DSE: variants seen among roughly 807,000 people sequenced by gnomAD.
DSE encodes the protein dermatan-sulfate epimerase.
Under a neutral mutation model 84.4 loss-of-function variants are expected in DSE, and 36 were observed. That is an observed-to-expected ratio of 0.43 (90% CI 0.33 to 0.56). The LOEUF is 0.56. Among genes scored for constraint, DSE ranks in the 20% least tolerant of loss-of-function variants. The pLI is 0.06. For synonymous variants in DSE, 410 were observed against 430.1 expected (o/e 0.95, Z 0.58); for missense variants, 862 against 1,169.6 (o/e 0.74, Z 3.84).
intron 2 of DSE, among the ~76,000 whole-genome samples, chr6:116,416,022 T>C (rs1165446111): frequency 6.6e-6 from 1 of 152,164 alleles, no homozygotes; most frequent in Non-Finnish European, 1.5e-5. Flanking sequence ...CAGAATACTT[T>C]TCTTTGCCTT....
rs986925400 is a variant in DSE at position 116,440,790 on chromosome 6, GA to G, written c.*3446del. 2 of 152,160 alleles carry G rather than the reference GA, an allele frequency of 1.3e-5. No individual in the cohort carries two copies. The highest frequency in any genetic ancestry group is 2.9e-5 in the Non-Finnish European group (2 of 68,024). 9.4% of individuals were successfully genotyped at this position (152,160 alleles called of 1,614,324 possible). ...GTCATAGCTTAATTCAGGAAAAAAG[GA>G]GTTAGGGAAGTCTGAAGGTCTAACT... is the stretch of plus-strand genomic sequence containing the variant. On this transcript the variant is annotated 3_prime_UTR_variant, in exon 6 of 6. Transcript: ENST00000644252.
chr6:116,390,673 C>T (rs1431776239), intron 1 of DSE, among the ~76,000 whole-genome samples: 3 of 152,034 alleles, frequency 2.0e-5, no homozygotes, highest in Admixed American at 2.0e-4. Context: ...AAATACTAAT[C>T]AGAAGATCTT....
chr6:116,431,466 A>G (rs532368024), intron 4 of DSE, among the ~76,000 whole-genome samples: 1 of 151,996 alleles, frequency 6.6e-6, no homozygotes, highest in East Asian at 1.9e-4. Flanking sequence ...CTTTTTTTTT[A>G]TATATCCAAA....
At chr6:116,262,355 T>C (rs1466423234) in intron 2 of DSE, among the ~76,000 whole-genome samples, 4 of 152,194 alleles carry the variant, frequency 2.6e-5, no homozygotes, top group Non-Finnish European at 5.9e-5. Flanking sequence ...GGAGGTTGTA[T>C]GTATCCAGGA....
chr6:116,412,037 A>C (rs953718802), intron 2 of DSE, among the ~76,000 whole-genome samples: 9 of 152,332 alleles, frequency 5.9e-5, no homozygotes, highest in African/African-American at 1.9e-4. Flanking sequence ...ATACCCCACA[A>C]CATTTTTTAT....
intron 2 of DSE, among the ~76,000 whole-genome samples, chr6:116,266,701 G>C (rs1772643596): frequency 6.6e-6 from 1 of 152,036 alleles, no homozygotes; most frequent in Non-Finnish European, 1.5e-5. Context: ...CTAAGAATTA[G>C]AAAGCTTTGT....
intron 1 of DSE, among the ~76,000 whole-genome samples, chr6:116,391,680 G>A (rs1014858594): frequency 2.6e-5 from 4 of 151,384 alleles, no homozygotes; most frequent in Non-Finnish European, 5.9e-5. Flanking sequence ...CAGGAGAATG[G>A]CATGAACCTA....
At chr6:116,415,535 CT>C (rs1291702303) in intron 2 of DSE, among the ~76,000 whole-genome samples, 1 of 139,878 alleles carries the variant, frequency 7.1e-6, no homozygotes, top group Admixed American at 7.1e-5. Flanking sequence ...CCCCTTTTTT[CT>C]TTTTTCTTTC....
chr6:116,353,181 G>T (rs527966172), intron 2 of DSE, among the ~76,000 whole-genome samples: 1 of 152,270 alleles, frequency 6.6e-6, no homozygotes, highest in Admixed American at 6.5e-5. Context: ...GTCTGTGTGT[G>T]TATAAACACT....
chr6:116,309,374 C>A (rs1775534610), intron 2 of DSE, among the ~76,000 whole-genome samples: 1 of 152,022 alleles, frequency 6.6e-6, no homozygotes, highest in Admixed American at 6.6e-5. Context: ...AGGTCAATTG[C>A]CTATTATCTA....
chr6:116,279,613 T>C (rs1257860110), intron 2 of DSE: 7 of 1,602,280 alleles, frequency 4.4e-6, no homozygotes, highest in Non-Finnish European at 5.9e-6. Context: ...GCCCGCGGCA[T>C]CCTGGGGTAC....
chr6:116,367,364 C>G (rs146794569), upstream of DSE: 1 of 152,278 alleles, frequency 6.6e-6, no homozygotes, highest in African/African-American at 2.4e-5. Flanking sequence ...AAACAAAAAG[C>G]ATTTCAAGAA....
intron 2 of DSE, among the ~76,000 whole-genome samples, chr6:116,298,335 A>G (rs926399090): frequency 6.6e-6 from 1 of 152,338 alleles, no homozygotes; most frequent in South Asian, 2.1e-4. Context: ...TGACCTTGAG[A>G]TAGGGATATT....
chr6:116,260,300 T>C (rs1335597050), intron 2 of DSE, among the ~76,000 whole-genome samples: 2 of 152,340 alleles, frequency 1.3e-5, no homozygotes, highest in Middle Eastern at 3.4e-3. Flanking sequence ...GAAAAATATC[T>C]GTCCATGTCC....
At chr6:116,274,712 G>C (rs932468891) in intron 2 of DSE, among the ~76,000 whole-genome samples, 1 of 152,060 alleles carries the variant, frequency 6.6e-6, no homozygotes, top group Admixed American at 6.5e-5. Context: ...AGAAAGTGTT[G>C]CACAGTACAT....
chr6:116,385,447 T>A (rs1451956020), intron 1 of DSE, among the ~76,000 whole-genome samples: 1 of 151,460 alleles, frequency 6.6e-6, no homozygotes, highest in Non-Finnish European at 1.5e-5. Context: ...TAAAAGTGGC[T>A]GGATTCTGGA....
At chr6:116,433,668 C>T in intron 5 of DSE, 118 bp downstream of exon 5, 1 of 1,017,208 alleles carries the variant, frequency 9.8e-7, no homozygotes, top group East Asian at 2.6e-5. Context: ...ATCTTTTCTC[C>T]ATGCCACCTG....
Position 116,438,154 on chromosome 6 carries a change from T to C in DSE, c.*809T>C, listed in dbSNP as rs1784299190. The C allele has an allele frequency of 6.6e-6, 1 of 152,576 alleles. No homozygotes were observed. Among genetic ancestry groups the C allele is most frequent in the Admixed American group, 6.5e-5 (1 of 15,278 alleles). 9.5% of individuals were successfully genotyped at this position (152,576 alleles called of 1,614,324 possible). A position where few individuals can be genotyped will look rare whatever the true frequency, so the allele number is the denominator to read the frequency against. On this transcript the variant is annotated 3_prime_UTR_variant, in exon 6 of 6. Transcript: ENST00000644252. ...AAACCTTTCAAAAGAAAATATTTTC[T>C]ATTATGAATGTTGATTTTCATACCA... is the stretch of plus-strand genomic sequence containing the variant.
intron 2 of DSE, among the ~76,000 whole-genome samples, chr6:116,324,459 C>T (rs1776509638): frequency 6.6e-6 from 1 of 152,170 alleles, no homozygotes; most frequent in Non-Finnish European, 1.5e-5. Context: ...ATCCCAACTC[C>T]ACCCCCTTGT....
Sources: gnomAD v4.1 joint callset for allele counts (sites outside exome capture counted in the v4.1 genomes callset) on GRCh38, gnomAD v4.1.1 for gene constraint, MANE v1.5 for transcripts, NCBI Gene and HGNC (gene_info 2026-07-23, HGNC 2026-07-21) for gene names.